Variants in TFCP2L1 observed in about 807,000 individuals in gnomAD.
The protein encoded by TFCP2L1 is transcription factor CP2 like 1, also known as transcription factor CP2-like protein 1.
TFCP2L1 carries 12 observed loss-of-function variants against 72.2 expected under a neutral mutation model. The ratio of observed to expected loss-of-function variants is 0.17; its 90% CI spans 0.11 to 0.27. The LOEUF (loss-of-function observed/expected upper bound fraction) is 0.27, where lower values mean the gene tolerates loss of function less well. Ranked by LOEUF, TFCP2L1 falls within the 10% of genes least tolerant of loss-of-function variation. The pLI is 1.00. For missense variants in TFCP2L1, 488 were observed against 624.6 expected, an observed-to-expected ratio of 0.78 and a Z score of 2.33; for synonymous variants, 260 against 251.0, an observed-to-expected ratio of 1.04 and a Z score of -0.34.
Position 121,248,268 on chromosome 2 carries a change from T to C in TFCP2L1, c.400A>G (p.Ile134Val). ...TCCAAGATACCAACAGACAGTGGAA[T>C]ATCTGCATACACACACACACATACA... ...RPGDRILDID[I>V]PLSVGILDPR... The change falls in exon 5 of 15, where the codon ATT (isoleucine) becomes GTT (valine). Residue 134 changes from isoleucine (I) to valine (V), a missense_variant and splice_region_variant. Transcript: ENST00000263707. 6.2e-7 allele frequency: 1 copy of C among 1,612,640 alleles called. No homozygotes were observed. The highest frequency in any genetic ancestry group is 8.5e-7 in the Non-Finnish European group (1 of 1,179,066).
chr2:121,271,909 A>C (rs529161233), intron 2 of TFCP2L1, among the ~76,000 whole-genome samples: 1 of 152,282 alleles, frequency 6.6e-6, no homozygotes, highest in Admixed American at 6.5e-5. Context: ...GGGGTAGGGT[A>C]GGAGCAACTG....
chr2:121,260,184 T>C (rs1686803851), intron 2 of TFCP2L1, among the ~76,000 whole-genome samples: 1 of 152,074 alleles, frequency 6.6e-6, no homozygotes, highest in East Asian at 1.9e-4. Flanking sequence ...AGAGAGGTGC[T>C]GACCTGCCCA....
In TFCP2L1 at chr2:121,255,032, G is replaced by A. The variant is rs1686687300; in HGVS notation, c.215-5385C>T. On this transcript the variant is annotated intron_variant, in intron 2 of 14. Transcript: ENST00000263707. ...AGGCTCAGAGAGGTTACCTGACAGG[G>A]GCAAGCTCACATAGCTCATAAGTGG... Among the ~76,000 whole-genome samples the A allele has an allele frequency of 2.0e-5, 3 of 152,168 alleles. No individual in the cohort carries two copies. In the South Asian group the frequency reaches 6.2e-4, roughly 32 times the overall value.
At chr2:121,264,149 A>G (rs1290324320) in intron 2 of TFCP2L1, among the ~76,000 whole-genome samples, 1 of 152,188 alleles carries the variant, frequency 6.6e-6, no homozygotes, top group East Asian at 1.9e-4. Flanking sequence ...GCATGGCCAC[A>G]TCAATTGACC....
At chr2:121,274,300 TG>T (rs1225165055) in intron 2 of TFCP2L1, among the ~76,000 whole-genome samples, 1 of 152,132 alleles carries the variant, frequency 6.6e-6, no homozygotes, top group Non-Finnish European at 1.5e-5. Context: ...AGCTTAATAC[TG>T]AGGATACAGG....
intron 2 of TFCP2L1, among the ~76,000 whole-genome samples, chr2:121,273,744 A>C (rs2104756838): frequency 6.6e-6 from 1 of 152,332 alleles, no homozygotes; most frequent in South Asian, 2.1e-4. Context: ...CACAAGAATA[A>C]TGCAGTAACT....
rs898114939 is a variant in TFCP2L1, at chr2:121,221,605, C to T, written c.*2736G>A. On this transcript the variant is annotated 3_prime_UTR_variant, in exon 15 of 15. Coordinates refer to ENST00000263707, the MANE Select transcript of TFCP2L1 (RefSeq NM_014553.3). ...ACATCACATCATATATAAAAATATA[C>T]TCGAAATGGATCAAAGACCATTGTG... 22 of 151,530 alleles carry T rather than the reference C, an allele frequency of 1.5e-4. 1 individual carries two copies. Among genetic ancestry groups the T allele is most frequent in the Middle Eastern group, 6.8e-3 (2 of 292 alleles). The allele number at this position is 151,530 out of a possible 1,614,324, so 9.4% of individuals were successfully genotyped here.
At chr2:121,270,938 C>G (rs754904813) in intron 2 of TFCP2L1, among the ~76,000 whole-genome samples, 8 of 150,218 alleles carry the variant, frequency 5.3e-5, no homozygotes, top group Non-Finnish European at 1.0e-4. Context: ...ACCTGTAATC[C>G]CAACACTTTG....
intron 2 of TFCP2L1, among the ~76,000 whole-genome samples, chr2:121,280,417 G>C (rs747020210): frequency 6.6e-6 from 1 of 152,070 alleles, no homozygotes; most frequent in Admixed American, 6.5e-5. Context: ...GGATGCTGAC[G>C]GTACTCAGTG....
chr2:121,263,045 T>C (rs1686856506), intron 2 of TFCP2L1, among the ~76,000 whole-genome samples: 1 of 151,956 alleles, frequency 6.6e-6, no homozygotes, highest in Admixed American at 6.5e-5. Flanking sequence ...AAGCAATTCT[T>C]CTGCCTCAGC....
At chr2:121,276,405 G>T (rs1251638801) in intron 2 of TFCP2L1, among the ~76,000 whole-genome samples, 1 of 151,980 alleles carries the variant, frequency 6.6e-6, no homozygotes, top group African/African-American at 2.4e-5. Context: ...GGCCGAGGTG[G>T]AAGGACTGCT....
chr2:121,239,342 G>GT (rs1386936985), intron 8 of TFCP2L1, among the ~76,000 whole-genome samples: 1 of 152,204 alleles, frequency 6.6e-6, no homozygotes, highest in Non-Finnish European at 1.5e-5. Context: ...GTTTCACCAG[G>GT]TAAGTTCTGG....
At chr2:121,283,370 CA>C (rs1687302833) in intron 1 of TFCP2L1, among the ~76,000 whole-genome samples, 1 of 152,126 alleles carries the variant, frequency 6.6e-6, no homozygotes, top group Non-Finnish European at 1.5e-5. Context: ...GTCAGGGGAC[CA>C]GGGGCATATG....
chr2:121,269,394 G>A (rs986895806), intron 2 of TFCP2L1, among the ~76,000 whole-genome samples: 1 of 152,106 alleles, frequency 6.6e-6, no homozygotes, highest in Admixed American at 6.5e-5. Flanking sequence ...GCTGCAGTGA[G>A]CTGTAATCGC....
rs1008732539 is a variant in TFCP2L1, at chr2:121,219,253, C to T, written c.*5088G>A. On this transcript the variant is annotated 3_prime_UTR_variant, in exon 15 of 15. Coordinates refer to ENST00000263707, the MANE Select transcript of TFCP2L1 (RefSeq NM_014553.3). ...TCGAGCTACCGAGGGAGCCTGTTTTCCCCAAATGCGAAGGGAACAGCAGTC... is the reference window on the plus strand; with the variant it reads ...TCGAGCTACCGAGGGAGCCTGTTTTTCCCAAATGCGAAGGGAACAGCAGTC... 1 of 152,310 alleles carries T rather than the reference C, an allele frequency of 6.6e-6. No individual in the cohort carries two copies. The highest frequency in any genetic ancestry group is 2.4e-5 in the African/African-American group (1 of 41,462). 9.4% of individuals were successfully genotyped at this position (152,310 alleles called of 1,614,324 possible).
chr2:121,227,059 A>T (rs930591306), intron 13 of TFCP2L1, among the ~76,000 whole-genome samples: 1 of 152,242 alleles, frequency 6.6e-6, no homozygotes, highest in Non-Finnish European at 1.5e-5. Flanking sequence ...CGCCAGCTGT[A>T]TACTTCAACA....
intron 2 of TFCP2L1, 92 bp from the exon 3 acceptor site, chr2:121,249,739 C>A: frequency 7.7e-7 from 1 of 1,294,100 alleles, no homozygotes; most frequent in Non-Finnish European, 1.1e-6. Context: ...CCCTCAGTGC[C>A]CATCCAGGCC....
intron 2 of TFCP2L1, among the ~76,000 whole-genome samples, chr2:121,259,672 C>A (rs1019932966): frequency 6.6e-6 from 1 of 152,194 alleles, no homozygotes; most frequent in African/African-American, 2.4e-5. Flanking sequence ...ATCCACCATA[C>A]ACACACATGA....
At chr2:121,255,640 C>T (rs1686699845) in intron 2 of TFCP2L1, among the ~76,000 whole-genome samples, 1 of 152,330 alleles carries the variant, frequency 6.6e-6, no homozygotes, top group Non-Finnish European at 1.5e-5. Flanking sequence ...CACTGGGCCA[C>T]CCCTCCACAC....
Sources: allele counts gnomAD v4.1 joint callset (sites outside exome capture counted in the v4.1 genomes callset), GRCh38; gene constraint gnomAD v4.1.1; transcripts MANE v1.5; gene names NCBI Gene and HGNC (gene_info 2026-07-23, HGNC 2026-07-21).